Variants in CDH8 observed in about 807,000 individuals in gnomAD.
CDH8 encodes the protein cadherin 8.
In CDH8, 17 loss-of-function variants were observed where a neutral mutation model predicts 68.1. The ratio of observed to expected loss-of-function variants is 0.25; its 90% CI spans 0.17 to 0.37. The LOEUF is 0.37. Ranked by LOEUF, CDH8 falls within the 10% of genes least tolerant of loss-of-function variation. The pLI is 1.00. For synonymous variants in CDH8, 372 were observed against 365.1 expected (o/e 1.02, Z -0.21); for missense variants, 763 against 999.3 (o/e 0.76, Z 3.19).
chr16:61,881,736 A>C (rs1963582248), intron 3 of CDH8, among the ~76,000 whole-genome samples: 1 of 152,330 alleles, frequency 6.6e-6, no homozygotes. Context: ...TTAAAGAAAA[A>C]GAAACTCAGT....
intron 8 of CDH8, among the ~76,000 whole-genome samples, chr16:61,764,071 A>C (rs1326048070): frequency 6.6e-6 from 1 of 152,174 alleles, no homozygotes; most frequent in African/African-American, 2.4e-5. Flanking sequence ...TGACAATTGC[A>C]ATGGGCCAGG....
At chr16:61,750,911 T>C (rs940098833) in intron 8 of CDH8, among the ~76,000 whole-genome samples, 7 of 152,118 alleles carry the variant, frequency 4.6e-5, no homozygotes, top group African/African-American at 1.7e-4. Context: ...TAATTTCTTC[T>C]TAGGAAATTG....
At position 61,846,332 on chromosome 16, in the gene CDH8, A is replaced by C. The variant is rs1017203338; in HGVS notation, c.667+10787T>G. 1.7e-4 allele frequency among the ~76,000 whole-genome samples: 26 copies of C among 152,108 alleles called. 1 individual carries two copies. The highest frequency in any genetic ancestry group is 1.0e-4 in the Non-Finnish European group (7 of 68,012). The stretch of plus-strand genomic sequence containing the variant: ...ATCCAATTGGTATAATTTTGGCATA[A>C]ATTTTTATGATGGCATCTCTCCAGT... On this transcript the variant is annotated intron_variant, in intron 4 of 11. Coordinates refer to ENST00000577390, the MANE Select transcript of CDH8 (RefSeq NM_001796.5).
intron 2 of CDH8, among the ~76,000 whole-genome samples, chr16:61,973,906 A>T (rs1235414548): frequency 6.6e-6 from 1 of 152,208 alleles, no homozygotes; most frequent in Non-Finnish European, 1.5e-5. Context: ...CTTAGTTCAC[A>T]TGCTTCCCTT....
At chr16:61,869,694 C>A (rs1161889756) in intron 3 of CDH8, among the ~76,000 whole-genome samples, 1 of 152,022 alleles carries the variant, frequency 6.6e-6, no homozygotes, top group Non-Finnish European at 1.5e-5. Context: ...AATCATTATG[C>A]CATACTAGGA....
chr16:61,935,455 T>C (rs1396635649), intron 2 of CDH8, among the ~76,000 whole-genome samples: 1 of 152,192 alleles, frequency 6.6e-6, no homozygotes, highest in African/African-American at 2.4e-5. Context: ...TACAACTGTT[T>C]CTGGACTTTA....
At chr16:61,852,102 G>T (rs1393350567) in intron 4 of CDH8, among the ~76,000 whole-genome samples, 1 of 152,048 alleles carries the variant, frequency 6.6e-6, no homozygotes, top group African/African-American at 2.4e-5. Context: ...TGCAAACCCA[G>T]TTAGCACAAT....
At chr16:61,708,107 C>T (rs1248393998) in intron 10 of CDH8, among the ~76,000 whole-genome samples, 1 of 152,072 alleles carries the variant, frequency 6.6e-6, no homozygotes, top group Non-Finnish European at 1.5e-5. Flanking sequence ...GATAACTAAG[C>T]ATGTACCAAT....
intron 8 of CDH8, among the ~76,000 whole-genome samples, chr16:61,768,338 C>T (rs968787851): frequency 2.7e-5 from 3 of 113,138 alleles, no homozygotes; most frequent in Non-Finnish European, 5.4e-5. Context: ...CTCTCTCTCT[C>T]TCTCTCTCTC....
intron 3 of CDH8, among the ~76,000 whole-genome samples, chr16:61,861,801 ACAT>A (rs3069988): frequency 0.54 from 81,715 of 151,658 alleles, 24,398 homozygotes; most frequent in African/African-American, 0.82. Context: ...CATTATTGTT[ACAT>A]CATCATAGCC....
At chr16:61,766,586 C>T (rs771201755) in intron 8 of CDH8, among the ~76,000 whole-genome samples, 1 of 151,934 alleles carries the variant, frequency 6.6e-6, no homozygotes, top group Non-Finnish European at 1.5e-5. Flanking sequence ...AGACGTTATA[C>T]TAGTTTACAT....
chr16:61,878,307 T>C (rs1174233438), intron 3 of CDH8, among the ~76,000 whole-genome samples: 1 of 152,226 alleles, frequency 6.6e-6, no homozygotes, highest in African/African-American at 2.4e-5. Context: ...TGTGAGTGAA[T>C]GAGAAATGAA....
chr16:61,721,681 A>C (rs1959219182), intron 9 of CDH8, among the ~76,000 whole-genome samples: 1 of 150,702 alleles, frequency 6.6e-6, no homozygotes, highest in Non-Finnish European at 1.5e-5. Context: ...TCTTGATCAG[A>C]CTCATATTCT....
intron 8 of CDH8, among the ~76,000 whole-genome samples, chr16:61,784,107 G>A (rs1373433738): frequency 6.7e-6 from 1 of 149,710 alleles, no homozygotes; most frequent in Non-Finnish European, 1.5e-5. Context: ...AAATGTAAAT[G>A]GACTAAATTC....
At chr16:61,686,855 T>C (rs1227696928) in intron 10 of CDH8, among the ~76,000 whole-genome samples, 1 of 151,882 alleles carries the variant, frequency 6.6e-6, no homozygotes, top group African/African-American at 2.4e-5. Context: ...GTATGTGTCC[T>C]TTTGAGGTTT....
At chr16:61,895,415 A>G (rs1963854034) in intron 3 of CDH8, among the ~76,000 whole-genome samples, 1 of 152,142 alleles carries the variant, frequency 6.6e-6, no homozygotes, top group South Asian at 2.1e-4. Flanking sequence ...TAAAGAATAG[A>G]AAAACTAATA....
At chr16:61,891,641 C>G (rs1315272253) in intron 3 of CDH8, among the ~76,000 whole-genome samples, 1 of 152,090 alleles carries the variant, frequency 6.6e-6, no homozygotes, top group East Asian at 1.9e-4. Context: ...CTTCTTTAAG[C>G]AGAAGAGAAA....
intron 7 of CDH8, among the ~76,000 whole-genome samples, chr16:61,798,131 G>A (rs550583752): frequency 6.6e-6 from 1 of 152,148 alleles, no homozygotes; most frequent in Admixed American, 6.5e-5. Context: ...TTTTCCCCTG[G>A]AGCCAGGAAA....
Position 61,956,189 on chromosome 16 carries a change from T to C in CDH8, c.253-54716A>G, listed in dbSNP as rs928928301. Among the ~76,000 whole-genome samples, 10 of 152,190 alleles carry C rather than the reference T, an allele frequency of 6.6e-5. 1 individual carries two copies. The highest frequency in any genetic ancestry group is 5.2e-4 in the Admixed American group (8 of 15,276). ...GTCAAAAATTTGTATACACACACTA[T>C]AGAAACACTCATATACATTCACTTT... is the stretch of plus-strand genomic sequence containing the variant. On this transcript the variant is annotated intron_variant, in intron 2 of 11. Coordinates refer to ENST00000577390, the MANE Select transcript of CDH8 (RefSeq NM_001796.5).
Sources: allele counts gnomAD v4.1 joint callset (sites outside exome capture counted in the v4.1 genomes callset), GRCh38; gene constraint gnomAD v4.1.1; transcripts MANE v1.5; gene names NCBI Gene and HGNC (gene_info 2026-07-23, HGNC 2026-07-21).